Variants in NACA2 observed in about 807,000 individuals in gnomAD.
The protein encoded by NACA2 is nascent polypeptide-associated complex subunit alpha-2.
In NACA2, 9 loss-of-function variants were observed where a neutral mutation model predicts 15.6. The ratio of observed to expected loss-of-function variants is 0.58; its 90% CI spans 0.35 to 1.00. NACA2 has a LOEUF of 1.00. Ranked by LOEUF, NACA2 falls within the 50% of genes least tolerant of loss-of-function variation. The pLI, the probability that NACA2 is intolerant of heterozygous loss-of-function variation, is 0.02. For synonymous variants in NACA2, 111 were observed against 100.5 expected (o/e 1.10, Z -0.62); for missense variants, 258 against 257.5 (o/e 1.00, Z -0.01).
At position 61,590,562 on chromosome 17, in the gene NACA2, C is replaced by T; in HGVS notation, c.619G>A (p.Val207Ile). ...RALKNNSNDI[V>I]NAIMELTV ...ACTGTTAATTCCATAATCGCATTTA[C>T]AATATCATTACTGTTGTTCTTCAGA... The change falls in exon 1 of 1, where the codon GTA (valine) becomes ATA (isoleucine). Residue 207 changes from valine (V) to isoleucine (I), a missense_variant. Coordinates refer to ENST00000521764, the MANE Select transcript of NACA2 (RefSeq NM_199290.4). The T allele has an allele frequency of 6.2e-7, 1 of 1,614,216 alleles. No individual in the cohort carries two copies. Among genetic ancestry groups the T allele is most frequent in the Non-Finnish European group, 8.5e-7 (1 of 1,180,032 alleles).
In NACA2 at chr17:61,590,891, C is replaced by A; in HGVS notation, c.290G>T (p.Trp97Leu). 1.2e-6 allele frequency: 2 copies of A among 1,614,198 alleles called. No individual in the cohort carries two copies. The highest frequency in any genetic ancestry group is 3.3e-4 in the Middle Eastern group (2 of 6,062). Residue 97 changes from tryptophan to leucine, a missense_variant, in exon 1 of 1, where the codon TGG becomes TTG. Physicochemically the swap from Trp to Leu is moderately conservative, Grantham distance 61. Coordinates refer to ENST00000521764, the MANE Select transcript of NACA2 (RefSeq NM_199290.4). The part of the protein sequence containing the change: ...QVTGVTRVTI[W>L]KSKNILFVIT... ...GACAAAGAGGATATTCTTAGATTTC[C>A]AGATAGTGACTCTAGTAACTCCTGT...
chr17:61,591,055 A>C lies in NACA2; in HGVS notation c.126T>G (p.Asp42Glu), dbSNP rs1292850329. The C allele has an allele frequency of 1.2e-6, 2 of 1,614,224 alleles. No individual in the cohort carries two copies. The highest frequency in any genetic ancestry group is 1.7e-5 in the Admixed American group (1 of 60,034). ...CTTTTTGTGTGGTGGTCTGGGTGGA[A>C]TCCTGTTCTTCAATCCCTGGTACTG... ...GESVPGIEEQDSTQTTTQKAW... is the reference protein window; with the variant it reads ...GESVPGIEEQESTQTTTQKAW... The change falls in exon 1 of 1, where the codon GAT (aspartate) becomes GAG (glutamate). Residue 42 changes from aspartate to glutamate, a missense_variant. Transcript: ENST00000521764.
At position 61,590,972 on chromosome 17, in the gene NACA2, C is replaced by T; in HGVS notation, c.209G>A (p.Ser70Asn). ...CTTCCGTGCCCTCTTTTCACTCCGA[C>T]TCTGTTTTGCTTTACCGACTGGTTC... ...DEEPVGKAKQ[S>N]RSEKRARKAM... The change falls in exon 1 of 1, where the codon AGT becomes AAT. Residue 70 changes from serine (S) to asparagine (N), a missense_variant. By Grantham distance (46) the Ser-to-Asn change is conservative (BLOSUM62 1). Transcript: ENST00000521764. 2 of 1,614,250 alleles carry T rather than the reference C, an allele frequency of 1.2e-6. No individual in the cohort carries two copies. The highest frequency in any genetic ancestry group is 1.7e-6 in the Non-Finnish European group (2 of 1,180,058).
chr17:61,590,761 C>T lies in NACA2; in HGVS notation c.420G>A (p.Ala140=), dbSNP rs879079107. The change falls in exon 1 of 1, where the codon GCG becomes GCA. Residue 140 remains alanine (A), a synonymous_variant. Coordinates refer to ENST00000521764, the MANE Select transcript of NACA2 (RefSeq NM_199290.4). Reference sequence around the variant, plus strand: ...CTTCACCTTGAACTCTGAATTTCTCCGCAGCTGCTAGTTGTGCTTGCTGAG... The same window carrying T: ...CTTCACCTTGAACTCTGAATTTCTCTGCAGCTGCTAGTTGTGCTTGCTGAG... The part of the protein sequence containing the change: ...DLSQQAQLAA[A]EKFRVQGEAV... The T allele has an allele frequency of 9.9e-6, 16 of 1,614,190 alleles. No homozygotes were observed. The highest frequency in any genetic ancestry group is 1.4e-5 in the Non-Finnish European group (16 of 1,180,040).
Position 61,590,788 on chromosome 17 carries a change from T to A in NACA2, c.393A>T (p.Leu131Phe), listed in dbSNP as rs372134496. 1 of 1,614,098 alleles carries A rather than the reference T, an allele frequency of 6.2e-7. No individual in the cohort carries two copies. Among genetic ancestry groups the A allele is most frequent in the Non-Finnish European group, 8.5e-7 (1 of 1,180,054 alleles). ...IVFGEAKIQDLSQQAQLAAAE... is the reference protein window; with the variant it reads ...IVFGEAKIQDFSQQAQLAAAE... ...CAGCTGCTAGTTGTGCTTGCTGAGA[T>A]AAATCTTGGATCTTGGCTTCCCCAA... is the stretch of plus-strand genomic sequence containing the variant. The change falls in exon 1 of 1, where the codon TTA becomes TTT. Residue 131 changes from leucine (L) to phenylalanine (F), a missense_variant. Physicochemically the swap from Leu to Phe is conservative, Grantham distance 22. Transcript: ENST00000521764.
Position 61,590,947 on chromosome 17 carries a change from C to A in NACA2, c.234G>T (p.Lys78Asn). The change falls in exon 1 of 1, where the codon AAG (lysine) becomes AAT (asparagine). Residue 78 changes from lysine (K) to asparagine (N), a missense_variant. Coordinates refer to ENST00000521764, the MANE Select transcript of NACA2 (RefSeq NM_199290.4). Reference sequence around the variant, plus strand: ...GTAGAAGACCCAGTTTGGACATAGCCTTCCGTGCCCTCTTTTCACTCCGAC... The same window carrying A: ...GTAGAAGACCCAGTTTGGACATAGCATTCCGTGCCCTCTTTTCACTCCGAC... ...KQSRSEKRAR[K>N]AMSKLGLLQV... 1 of 1,614,234 alleles carries A rather than the reference C, an allele frequency of 6.2e-7. No homozygotes were observed. The highest frequency in any genetic ancestry group is 8.5e-7 in the Non-Finnish European group (1 of 1,180,050).
At position 61,590,877 on chromosome 17, in the gene NACA2, T is replaced by A; in HGVS notation, c.304A>T (p.Ile102Phe). The change falls in exon 1 of 1, where the codon ATC (isoleucine) becomes TTC (phenylalanine). Residue 102 changes from isoleucine to phenylalanine, a missense_variant. By Grantham distance (21) the Ile-to-Phe change is conservative. Transcript: ENST00000521764. ...TRVTIWKSKN[I>F]LFVITKLDVY... ...TCCAGTTTTGTGATGACAAAGAGGA[T>A]ATTCTTAGATTTCCAGATAGTGACT... 1 of 1,614,212 alleles carries A rather than the reference T, an allele frequency of 6.2e-7. No homozygotes were observed. The highest frequency in any genetic ancestry group is 2.2e-5 in the East Asian group (1 of 44,884).
Position 61,590,948 on chromosome 17 carries a change from T to C in NACA2, c.233A>G (p.Lys78Arg). ...KQSRSEKRAR[K>R]AMSKLGLLQV... ...TAGAAGACCCAGTTTGGACATAGCC[T>C]TCCGTGCCCTCTTTTCACTCCGACT... The change falls in exon 1 of 1, where the codon AAG (lysine) becomes AGG (arginine). Residue 78 changes from lysine (K) to arginine (R), a missense_variant. Lys to Arg is a conservative substitution (Grantham distance 26). Coordinates refer to ENST00000521764, the MANE Select transcript of NACA2 (RefSeq NM_199290.4). 6.2e-7 allele frequency: 1 copy of C among 1,614,260 alleles called. No individual in the cohort carries two copies. The highest frequency in any genetic ancestry group is 8.5e-7 in the Non-Finnish European group (1 of 1,180,054).
In NACA2 at chr17:61,591,138, C is replaced by T; in HGVS notation, c.43G>A (p.Glu15Lys). The T allele has an allele frequency of 6.2e-7, 1 of 1,614,252 alleles. No homozygotes were observed. Among genetic ancestry groups the T allele is most frequent in the South Asian group, 1.1e-5 (1 of 91,092 alleles). Residue 15 changes from glutamate (E) to lysine (K), a missense_variant, in exon 1 of 1, where the codon GAG (glutamate) becomes AAG (lysine). By Grantham distance (56) the Glu-to-Lys change is moderately conservative. Coordinates refer to ENST00000521764, the MANE Select transcript of NACA2 (RefSeq NM_199290.4). ...GTCTCAGCCTGGGACTGCGGCAACT[C>T]CTGCTCTGTAGCAGGGACGGTTTCT... ...ATETVPATEQ[E>K]LPQSQAETGS...
chr17:61,590,578 G>C lies in NACA2; in HGVS notation c.603C>G (p.Asn201Lys). 1 of 1,614,118 alleles carries C rather than the reference G, an allele frequency of 6.2e-7. No individual in the cohort carries two copies. The highest frequency in any genetic ancestry group is 1.1e-5 in the South Asian group (1 of 91,062). ...TCGCATTTACAATATCATTACTGTT[G>C]TTCTTCAGAGCTCGGACTGCCTTTG... Reference protein sequence around the residue: ...SRAKAVRALKNNSNDIVNAIM... With the variant: ...SRAKAVRALKKNSNDIVNAIM... Residue 201 changes from asparagine (N) to lysine (K), a missense_variant, in exon 1 of 1, where the codon AAC becomes AAG. Physicochemically the swap from Asn to Lys is moderately conservative, Grantham distance 94 (BLOSUM62 0). Transcript: ENST00000521764.
At position 61,590,979 on chromosome 17, in the gene NACA2, T is replaced by C; in HGVS notation, c.202A>G (p.Lys68Glu). ...EIDEEPVGKA[K>E]QSRSEKRARK... ...GCCCTCTTTTCACTCCGACTCTGTT[T>C]TGCTTTACCGACTGGTTCTTCATCA... The change falls in exon 1 of 1, where the codon AAA becomes GAA. Residue 68 changes from lysine to glutamate, a missense_variant. By Grantham distance (56) the Lys-to-Glu change is moderately conservative. Coordinates refer to ENST00000521764, the MANE Select transcript of NACA2 (RefSeq NM_199290.4). 1 of 1,614,270 alleles carries C rather than the reference T, an allele frequency of 6.2e-7. No homozygotes were observed. The highest frequency in any genetic ancestry group is 8.5e-7 in the Non-Finnish European group (1 of 1,180,056).
In NACA2 at chr17:61,591,061, T is replaced by C; in HGVS notation, c.120A>G (p.Glu40=). The change falls in exon 1 of 1, where the codon GAA becomes GAG. Residue 40 remains glutamate (E), a synonymous_variant. Coordinates refer to ENST00000521764, the MANE Select transcript of NACA2 (RefSeq NM_199290.4). The stretch of plus-strand genomic sequence containing the variant: ...GTGTGGTGGTCTGGGTGGAATCCTG[T>C]TCTTCAATCCCTGGTACTGATTCAC... ...DSGESVPGIE[E]QDSTQTTTQK... is the part of the protein sequence containing the mutation. 6.2e-7 allele frequency: 1 copy of C among 1,614,254 alleles called. No individual in the cohort carries two copies. The highest frequency in any genetic ancestry group is 8.5e-7 in the Non-Finnish European group (1 of 1,180,044).
rs750269713 is a variant in NACA2, at chr17:61,591,108, A to G, written c.73T>C (p.Ser25Pro). Residue 25 changes from serine (S) to proline (P), a missense_variant, in exon 1 of 1, where the codon TCT (serine) becomes CCT (proline). Coordinates refer to ENST00000521764, the MANE Select transcript of NACA2 (RefSeq NM_199290.4). ...TCACCACTATCAGATGCTGTTCCAG[A>G]CCCTGTCTCAGCCTGGGACTGCGGC... The part of the protein sequence containing the change: ...ELPQSQAETG[S>P]GTASDSGESV... The G allele has an allele frequency of 6.2e-7, 1 of 1,614,194 alleles. No individual in the cohort carries two copies. Among genetic ancestry groups the G allele is most frequent in the Admixed American group, 1.7e-5 (1 of 60,018 alleles).
At position 61,590,443 on chromosome 17, in the gene NACA2, C is replaced by G; in HGVS notation, c.*90G>C. ...TTCTTTTCTTTTTCCAGCAAGAAGT[C>G]ATAACTTTATTTATGATAGAAACAG... is the stretch of plus-strand genomic sequence containing the variant. On this transcript the variant is annotated 3_prime_UTR_variant, in exon 1 of 1. Coordinates refer to ENST00000521764, the MANE Select transcript of NACA2 (RefSeq NM_199290.4). 7.6e-7 allele frequency: 1 copy of G among 1,321,002 alleles called. No homozygotes were observed. The highest frequency in any genetic ancestry group is 1.1e-6 in the Non-Finnish European group (1 of 926,892). 81.8% of individuals were successfully genotyped at this position (1,321,002 alleles called of 1,614,324 possible). A position where few individuals can be genotyped will look rare whatever the true frequency, so the allele number is the denominator to read the frequency against.
rs17531723 is a variant in NACA2, at chr17:61,590,991, C to T, written c.190G>A (p.Val64Ile). 0.14 allele frequency: 228,309 copies of T among 1,614,128 alleles called. 17,593 individuals are homozygous for T. Among genetic ancestry groups the T allele is most frequent in the South Asian group, 0.25 (23,161 of 91,078 alleles). The part of the protein sequence containing the change: ...VAAAEIDEEP[V>I]GKAKQSRSEK... Reference sequence around the variant, plus strand: ...CTCCGACTCTGTTTTGCTTTACCGACTGGTTCTTCATCAATTTCAGCTGCT... The same window carrying T: ...CTCCGACTCTGTTTTGCTTTACCGATTGGTTCTTCATCAATTTCAGCTGCT... The change falls in exon 1 of 1, where the codon GTC (valine) becomes ATC (isoleucine). Residue 64 changes from valine (V) to isoleucine (I), a missense_variant. Transcript: ENST00000521764.
chr17:61,590,603 G>C lies in NACA2; in HGVS notation c.578C>G (p.Ala193Gly), dbSNP rs373702339. The C allele has an allele frequency of 1.2e-6, 2 of 1,614,004 alleles. No homozygotes were observed. The highest frequency in any genetic ancestry group is 2.7e-5 in the African/African-American group (2 of 74,892). ...LVMSQANVSRAKAVRALKNNS... is the reference protein window; with the variant it reads ...LVMSQANVSRGKAVRALKNNS... Reference sequence around the variant, plus strand: ...GTTCTTCAGAGCTCGGACTGCCTTTGCTCTCGACACATTTGCTTGTGACAT... The same window carrying C: ...GTTCTTCAGAGCTCGGACTGCCTTTCCTCTCGACACATTTGCTTGTGACAT... The change falls in exon 1 of 1, where the codon GCA becomes GGA. Residue 193 changes from alanine (A) to glycine (G), a missense_variant. By Grantham distance (60) the Ala-to-Gly change is moderately conservative. Coordinates refer to ENST00000521764, the MANE Select transcript of NACA2 (RefSeq NM_199290.4).
chr17:61,590,993 G>A lies in NACA2; in HGVS notation c.188C>T (p.Pro63Leu). The change falls in exon 1 of 1, where the codon CCA becomes CTA. Residue 63 changes from proline (P) to leucine (L), a missense_variant. Coordinates refer to ENST00000521764, the MANE Select transcript of NACA2 (RefSeq NM_199290.4). Reference sequence around the variant, plus strand: ...CCGACTCTGTTTTGCTTTACCGACTGGTTCTTCATCAATTTCAGCTGCTGC... The same window carrying A: ...CCGACTCTGTTTTGCTTTACCGACTAGTTCTTCATCAATTTCAGCTGCTGC... The part of the protein sequence containing the change: ...LVAAAEIDEE[P>L]VGKAKQSRSE... 6.2e-7 allele frequency: 1 copy of A among 1,614,186 alleles called. No individual in the cohort carries two copies. The highest frequency in any genetic ancestry group is 8.5e-7 in the Non-Finnish European group (1 of 1,180,040).
chr17:61,590,438 G>A lies in NACA2; in HGVS notation c.*95C>T. The A allele has an allele frequency of 1.6e-6, 2 of 1,251,150 alleles. No homozygotes were observed. The highest frequency in any genetic ancestry group is 1.9e-5 in the Admixed American group (1 of 53,028). The allele number at this position is 1,251,150 out of a possible 1,614,324, so 77.5% of individuals were successfully genotyped here. A position where few individuals can be genotyped will look rare whatever the true frequency, so the allele number is the denominator to read the frequency against. On this transcript the variant is annotated 3_prime_UTR_variant, in exon 1 of 1. Transcript: ENST00000521764. ...TTCTTTTCTTTTCTTTTTCCAGCAA[G>A]AAGTCATAACTTTATTTATGATAGA...
rs758552333 is a variant in NACA2, at chr17:61,590,778, C to T, written c.403G>A (p.Ala135Thr). The change falls in exon 1 of 1, where the codon GCA (alanine) becomes ACA (threonine). Residue 135 changes from alanine (A) to threonine (T), a missense_variant. Physicochemically the swap from Ala to Thr is moderately conservative, Grantham distance 58 (BLOSUM62 0). Transcript: ENST00000521764. Reference sequence around the variant, plus strand: ...AATTTCTCCGCAGCTGCTAGTTGTGCTTGCTGAGATAAATCTTGGATCTTG... The same window carrying T: ...AATTTCTCCGCAGCTGCTAGTTGTGTTTGCTGAGATAAATCTTGGATCTTG... ...EAKIQDLSQQ[A>T]QLAAAEKFRV... 169 of 1,614,174 alleles carry T rather than the reference C, an allele frequency of 1.0e-4. 1 individual carries two copies. The South Asian group carries it at 1.6e-3, about 15-fold the overall frequency.
Sources: gnomAD v4.1 joint callset for allele counts on GRCh38, gnomAD v4.1.1 for gene constraint, MANE v1.5 for transcripts, NCBI Gene and HGNC (gene_info 2026-07-23, HGNC 2026-07-21) for gene names.